KCNQ1: variants seen among roughly 807,000 people sequenced by gnomAD.
KCNQ1 encodes potassium voltage-gated channel subfamily Q member 1, also known as potassium voltage-gated channel subfamily KQT member 1.
A neutral mutation model predicts 72.4 loss-of-function variants in KCNQ1; 49 were observed. The observed-to-expected ratio is 0.68, with a 90% CI of 0.54 to 0.86. The LOEUF (loss-of-function observed/expected upper bound fraction) is 0.86, where lower values mean the gene tolerates loss of function less well. KCNQ1 is among the 40% of genes least tolerant of loss of function. The probability of loss-of-function intolerance (pLI) is 0.00; values close to 1 mark genes in which losing one functional copy is unlikely to be tolerated. For missense variants in KCNQ1, 790 were observed against 945.1 expected (o/e 0.84, Z 2.15); for synonymous variants, 450 against 412.6 (o/e 1.09, Z -1.10).
Position 2,477,586 on chromosome 11 carries a change from C to G in KCNQ1, c.386+32102C>G, listed in dbSNP as rs1055103915. Among the ~76,000 whole-genome samples, 7 of 152,040 alleles carry G rather than the reference C, an allele frequency of 4.6e-5. No individual in the cohort carries two copies. Among genetic ancestry groups the G allele is most frequent in the African/African-American group, 1.7e-4 (7 of 41,432 alleles). On this transcript the variant is annotated intron_variant, in intron 1 of 15. Transcript: ENST00000155840. The surrounding 1 kb of genome is among the most constrained non-coding windows in gnomAD (Gnocchi z 5.0). The stretch of plus-strand genomic sequence containing the variant: ...TCCTCATTATGATGGCAGACTAAAC[C>G]CATAGTGTGTTAAAAATGACCACAC...
At chr11:2,726,186 C>A (rs973944894) in intron 11 of KCNQ1, among the ~76,000 whole-genome samples, 1 of 152,348 alleles carries the variant, frequency 6.6e-6, no homozygotes, top group Non-Finnish European at 1.5e-5. Context: ...GGCAGAGGAG[C>A]AGGCCAAGGG....
rs1360531001 is a variant in KCNQ1, at chr11:2,767,296, T to C, written c.1515-1548T>C. On this transcript the variant is annotated intron_variant, in intron 11 of 15. Transcript: ENST00000155840. This position sits in a 1 kb window ranked among gnomAD's most constrained non-coding sequence, Gnocchi z 4.6. ...CTCTCTCTTCTCCATGTGGCCTCTC[T>C]AATCAGCAAGCTTGTTTGCAGGGCC... Among the ~76,000 whole-genome samples, 1 of 152,198 alleles carries C rather than the reference T, an allele frequency of 6.6e-6. No homozygotes were observed. Among genetic ancestry groups the C allele is most frequent in the Non-Finnish European group, 1.5e-5 (1 of 68,042 alleles).
Position 2,588,900 on chromosome 11 carries a change from A to C in KCNQ1, c.1393+46A>C. On this transcript the variant is annotated intron_variant, in intron 10 of 15. Coordinates refer to ENST00000155840, the MANE Select transcript of KCNQ1 (RefSeq NM_000218.3). The surrounding 1 kb of genome is among the most constrained non-coding windows in gnomAD (Gnocchi z 5.6). ...TGGGGGCCGCGGGGCCGGGAAGGTC[A>C]CTGCCTTTTTTGGGAGCCCGAGCAA... The C allele has an allele frequency of 6.2e-7, 1 of 1,604,768 alleles. No individual in the cohort carries two copies. The highest frequency in any genetic ancestry group is 8.5e-7 in the Non-Finnish European group (1 of 1,177,878).
In KCNQ1 at chr11:2,570,657, G is replaced by A. The variant is rs375845797; in HGVS notation, c.507G>A (p.Thr169=). The A allele has an allele frequency of 1.2e-5, 20 of 1,612,686 alleles. No homozygotes were observed. Among genetic ancestry groups the A allele is most frequent in the Admixed American group, 3.3e-5 (2 of 60,020 alleles). The change falls in exon 3 of 16, where the codon ACG becomes ACA. Residue 169 remains threonine, a synonymous_variant. Transcript: ENST00000155840. ...TCGTGCTGGTGGTGTTCTTCGGGAC[G>A]GAGTACGTGGTCCGCCTCTGGTCCG... ...MEIVLVVFFG[T]EYVVRLWSAG...
At chr11:2,585,894 C>G (rs1232000171) in intron 8 of KCNQ1, among the ~76,000 whole-genome samples, 2 of 152,344 alleles carry the variant, frequency 1.3e-5, no homozygotes, top group African/African-American at 4.8e-5. Context: ...CAGTACCAAG[C>G]TCTGGGATGC....
Position 2,612,164 on chromosome 11 carries a change from G to A in KCNQ1, c.1393+23310G>A. On this transcript the variant is annotated intron_variant, in intron 10 of 15. Transcript: ENST00000155840. The surrounding 1 kb of genome is among the most constrained non-coding windows in gnomAD (Gnocchi z 5.5). The stretch of plus-strand genomic sequence containing the variant: ...GGCCTATTAGAAACTGGGCTACACA[G>A]CAGGAGGTGAGCAGCAGGCAAGCAA... The A allele has an allele frequency of 5.0e-6, 2 of 398,674 alleles. No homozygotes were observed. Among genetic ancestry groups the A allele is most frequent in the Non-Finnish European group, 8.8e-6 (2 of 226,086 alleles). The allele number at this position is 398,674 out of a possible 1,614,324, so 24.7% of individuals were successfully genotyped here. A position where few individuals can be genotyped will look rare whatever the true frequency, so the allele number is the denominator to read the frequency against.
At chr11:2,789,161 A>G (rs1316231367) in intron 15 of KCNQ1, among the ~76,000 whole-genome samples, 1 of 152,120 alleles carries the variant, frequency 6.6e-6, no homozygotes, top group Non-Finnish European at 1.5e-5. Flanking sequence ...AAGACAGTGG[A>G]CCCACCAGTG....
At chr11:2,740,499 A>C (rs879672769) in intron 11 of KCNQ1, among the ~76,000 whole-genome samples, 6 of 152,184 alleles carry the variant, frequency 3.9e-5, no homozygotes, top group Admixed American at 3.9e-4. Context: ...GCGGGCTTTG[A>C]AGTCCTTCCT....
rs576237807 is a variant in KCNQ1 at position 2,827,004 on chromosome 11, C to A, written c.1795-20763C>A. On this transcript the variant is annotated intron_variant, in intron 15 of 15. Coordinates refer to ENST00000155840, the MANE Select transcript of KCNQ1 (RefSeq NM_000218.3). This position sits in a 1 kb window ranked among gnomAD's most constrained non-coding sequence, Gnocchi z 6.7. Reference sequence around the variant, plus strand: ...AGCAGTCCTCTAAGGAGTTTGGAGTCATTTTCAGTCACTCACAAGCCACAG... The same window carrying A: ...AGCAGTCCTCTAAGGAGTTTGGAGTAATTTTCAGTCACTCACAAGCCACAG... Among the ~76,000 whole-genome samples, 4 of 152,272 alleles carry A rather than the reference C, an allele frequency of 2.6e-5. No individual in the cohort carries two copies. In the South Asian group the frequency reaches 8.3e-4, roughly 32 times the overall value.
chr11:2,842,102 C>T (rs915729435), intron 15 of KCNQ1, among the ~76,000 whole-genome samples: 2 of 152,186 alleles, frequency 1.3e-5, no homozygotes, highest in African/African-American at 4.8e-5. Flanking sequence ...ACACCAGGGA[C>T]AGAGACAAGG....
intron 7 of KCNQ1, among the ~76,000 whole-genome samples, chr11:2,584,403 GTT>G (rs774081413): frequency 1.3e-5 from 2 of 149,492 alleles, no homozygotes; most frequent in Non-Finnish European, 2.9e-5. Flanking sequence ...GTGGGTTTGT[GTT>G]TGTGTTTCTG....
In KCNQ1 at chr11:2,772,310, C is replaced by T. The variant is rs1031665773; in HGVS notation, c.1590+3391C>T. On this transcript the variant is annotated intron_variant, in intron 12 of 15. Coordinates refer to ENST00000155840, the MANE Select transcript of KCNQ1 (RefSeq NM_000218.3). This position sits in a 1 kb window ranked among gnomAD's most constrained non-coding sequence, Gnocchi z 6.6. The stretch of plus-strand genomic sequence containing the variant: ...CTGCCTACCTTGCTGGCTGATAAGT[C>T]CTTGGCCAACCACCCCTGTGTCTGG... 6.6e-6 allele frequency among the ~76,000 whole-genome samples: 1 copy of T among 152,078 alleles called. No homozygotes were observed. Among genetic ancestry groups the T allele is most frequent in the South Asian group, 2.1e-4 (1 of 4,832 alleles).
At chr11:2,511,750 G>A (rs568490078) in intron 1 of KCNQ1, among the ~76,000 whole-genome samples, 2 of 152,384 alleles carry the variant, frequency 1.3e-5, no homozygotes, top group South Asian at 4.1e-4. Flanking sequence ...GTGAAAGCCA[G>A]GCCTAGTGGA....
intron 1 of KCNQ1, among the ~76,000 whole-genome samples, chr11:2,511,679 C>T (rs1589920658): frequency 2.6e-5 from 4 of 152,234 alleles, no homozygotes; most frequent in African/African-American, 4.8e-5. Flanking sequence ...TGCCCCATGC[C>T]AGGCCTGTTG....
At chr11:2,732,115 C>T (rs556689874) in intron 11 of KCNQ1, among the ~76,000 whole-genome samples, 2 of 152,338 alleles carry the variant, frequency 1.3e-5, no homozygotes, top group East Asian at 1.9e-4. Flanking sequence ...GGAGTGCCTG[C>T]GTGGTGGCCT....
intron 15 of KCNQ1, chr11:2,840,407 A>C (rs1034350682): frequency 6.6e-6 from 1 of 152,238 alleles, no homozygotes; most frequent in Non-Finnish European, 1.5e-5. Context: ...GAAAAGGTCC[A>C]TCATTCCATA....
chr11:2,557,975 G>C (rs1011637242), intron 2 of KCNQ1, among the ~76,000 whole-genome samples: 1 of 152,178 alleles, frequency 6.6e-6, no homozygotes, highest in Non-Finnish European at 1.5e-5. Context: ...GATTTAACTG[G>C]CCATGTTCTC....
chr11:2,554,470 G>A (rs957181165), intron 2 of KCNQ1, among the ~76,000 whole-genome samples: 3 of 152,230 alleles, frequency 2.0e-5, no homozygotes, highest in Admixed American at 2.0e-4. Flanking sequence ...GCAGCTTAGG[G>A]GCTGTGGGGT....
In KCNQ1 at chr11:2,734,829, G is replaced by A. The variant is rs1480711454; in HGVS notation, c.1515-34015G>A. On this transcript the variant is annotated intron_variant, in intron 11 of 15. Transcript: ENST00000155840. This position sits in a 1 kb window ranked among gnomAD's most constrained non-coding sequence, Gnocchi z 7.0. ...CTCCAGCCTCAGTTTCCCCCACTGT[G>A]AAATAGGGATGACCTCCTGTGCTGG... Among the ~76,000 whole-genome samples the A allele has an allele frequency of 1.3e-5, 2 of 152,080 alleles. No individual in the cohort carries two copies. The highest frequency in any genetic ancestry group is 1.5e-5 in the Non-Finnish European group (1 of 68,004).
Sources: allele counts gnomAD v4.1 joint callset (sites outside exome capture counted in the v4.1 genomes callset), GRCh38; gene constraint gnomAD v4.1.1; non-coding constraint Gnocchi (gnomAD v3.1); transcripts MANE v1.5; gene names NCBI Gene and HGNC (gene_info 2026-07-23, HGNC 2026-07-21).